UBE2D2: variants seen among roughly 807,000 people sequenced by gnomAD.
UBE2D2 encodes ubiquitin-conjugating enzyme E2 D2.
UBE2D2 carries 2 observed loss-of-function variants against 24.2 expected under a neutral mutation model. That is an observed-to-expected ratio of 0.08 (90% CI 0.03 to 0.26). The LOEUF (loss-of-function observed/expected upper bound fraction) is 0.26, where lower values mean the gene tolerates loss of function less well. Ranked by LOEUF, UBE2D2 falls within the 10% of genes least tolerant of loss-of-function variation. UBE2D2 has a pLI of 1.00. For missense variants in UBE2D2, 44 were observed against 177.6 expected, an observed-to-expected ratio of 0.25 and a Z score of 4.28; for synonymous variants, 58 against 56.5, an observed-to-expected ratio of 1.03 and a Z score of -0.12.
chr5:139,620,001 T>C (rs1218180513), intron 5 of UBE2D2, among the ~76,000 whole-genome samples: 1 of 152,118 alleles, frequency 6.6e-6, no homozygotes, highest in Non-Finnish European at 1.5e-5. Flanking sequence ...CACATGGCAG[T>C]AGCAGGACCA....
At position 139,561,907 on chromosome 5, in the gene UBE2D2, C is replaced by T. The variant is rs934371501; in HGVS notation, c.24+92C>T. Reference sequence around the variant, plus strand: ...TAGTCTCCGTCGGGCTCGCGGCCTCCTTGGATCTTGCTGCCGGTGCTGGCC... The same window carrying T: ...TAGTCTCCGTCGGGCTCGCGGCCTCTTTGGATCTTGCTGCCGGTGCTGGCC... On this transcript the variant is annotated intron_variant, in intron 1 of 6. Transcript: ENST00000398733. The T allele has an allele frequency of 2.0e-5, 28 of 1,418,834 alleles. No individual in the cohort carries two copies. In the Admixed American group the frequency reaches 2.5e-4, roughly 13 times the overall value. The allele number at this position is 1,418,834 out of a possible 1,614,324, so 87.9% of individuals were successfully genotyped here.
intron 1 of UBE2D2, among the ~76,000 whole-genome samples, chr5:139,541,631 A>G (rs1365953431): frequency 1.3e-5 from 2 of 150,166 alleles, no homozygotes; most frequent in Admixed American, 6.7e-5. Context: ...AGGTACACAT[A>G]GGGCTCAATG....
rs1752847637 is a variant in UBE2D2, at chr5:139,547,355, G to A, written c.-64+20743G>A. Reference sequence around the variant, plus strand: ...TCATGTATCTATCATGAGTCAGGGGGTAATTTGTAAAGACAAGAACAGAAA... The same window carrying A: ...TCATGTATCTATCATGAGTCAGGGGATAATTTGTAAAGACAAGAACAGAAA... On this transcript the variant is annotated intron_variant, in intron 1 of 6. Coordinates refer to the UBE2D2 transcript ENST00000511725. Among the ~76,000 whole-genome samples the A allele has an allele frequency of 2.0e-5, 3 of 152,062 alleles. No homozygotes were observed. The South Asian group carries it at 6.2e-4, about 32-fold the overall frequency.
intron 1 of UBE2D2, among the ~76,000 whole-genome samples, chr5:139,533,927 C>T (rs1181880703): frequency 1.3e-5 from 2 of 151,120 alleles, no homozygotes; most frequent in East Asian, 2.1e-4. Flanking sequence ...GGATTACAGG[C>T]GCCCGCCACC....
intron 1 of UBE2D2, among the ~76,000 whole-genome samples, chr5:139,590,026 C>T (rs762291646): frequency 2.0e-5 from 3 of 152,036 alleles, no homozygotes; most frequent in African/African-American, 7.2e-5. Context: ...CCTTGTGGTC[C>T]GTCCTCCTTG....
chr5:139,576,446 A>G (rs1561508266), intron 1 of UBE2D2, among the ~76,000 whole-genome samples: 1 of 150,892 alleles, frequency 6.6e-6, no homozygotes, highest in African/African-American at 2.4e-5. Flanking sequence ...TTATATGGCC[A>G]CTTGTCATTA....
intron 1 of UBE2D2, among the ~76,000 whole-genome samples, chr5:139,533,207 T>C (rs1752619509): frequency 6.6e-6 from 1 of 151,966 alleles, no homozygotes; most frequent in Non-Finnish European, 1.5e-5. Context: ...GTGTGAGAGA[T>C]GGAGTCTCAC....
chr5:139,539,661 G>A (rs569109982), intron 1 of UBE2D2, among the ~76,000 whole-genome samples: 66 of 151,784 alleles, frequency 4.3e-4, no homozygotes, highest in African/African-American at 1.4e-3. Flanking sequence ...GCTCGATCTC[G>A]GCTGACTGCA....
intron 1 of UBE2D2, among the ~76,000 whole-genome samples, chr5:139,533,591 G>A (rs555258319): frequency 9.9e-5 from 15 of 151,058 alleles, no homozygotes; most frequent in Non-Finnish European, 1.9e-4. Context: ...AGGAGGTTGC[G>A]GTGAGCCCAA....
intron 1 of UBE2D2, among the ~76,000 whole-genome samples, chr5:139,563,697 C>A (rs1753158157): frequency 6.6e-6 from 1 of 152,270 alleles, no homozygotes; most frequent in South Asian, 2.1e-4. Flanking sequence ...CTTTGGGAGG[C>A]TGAGGTGGGT....
chr5:139,550,554 C>G (rs747438418), intron 1 of UBE2D2, among the ~76,000 whole-genome samples: 1 of 152,124 alleles, frequency 6.6e-6, no homozygotes, highest in Non-Finnish European at 1.5e-5. Flanking sequence ...GGCTCAGGTT[C>G]TCTTCCACGC....
At chr5:139,559,766 A>G (rs1753033848), upstream of UBE2D2, among the ~76,000 whole-genome samples, 1 of 152,294 alleles carries the variant, frequency 6.6e-6, no homozygotes, top group South Asian at 2.1e-4. Context: ...GATGTAGCGA[A>G]AAGGAGACAT....
Position 139,626,791 on chromosome 5 carries a change from A to G in UBE2D2, c.434A>G (p.Tyr145Cys), listed in dbSNP as rs1754638805. ...NRIAREWTQK[Y>C]AM ...ATAGCTCGGGAATGGACTCAGAAGT[A>G]TGCGATGTAATTAAAGAAATTATTG... The change falls in exon 7 of 7, where the codon TAT becomes TGT. Residue 145 changes from tyrosine to cysteine, a missense_variant. Transcript: ENST00000398733. 1 of 1,613,360 alleles carries G rather than the reference A, an allele frequency of 6.2e-7. No homozygotes were observed. Among genetic ancestry groups the G allele is most frequent in the Non-Finnish European group, 8.5e-7 (1 of 1,179,656 alleles).
At chr5:139,538,229 C>A (rs1048384575) in intron 1 of UBE2D2, among the ~76,000 whole-genome samples, 3 of 152,068 alleles carry the variant, frequency 2.0e-5, no homozygotes, top group African/African-American at 7.2e-5. Flanking sequence ...AATCATCAGC[C>A]TGCCTCAGCC....
rs1581492475 is a variant in UBE2D2, at chr5:139,562,155, G to C, written c.24+340G>C. On this transcript the variant is annotated intron_variant, in intron 1 of 6. Transcript: ENST00000398733. Reference sequence around the variant, plus strand: ...CAGGATGGCGGGGTTGGGGCCGAGGGGGGCGCTGGGGCGTTGGGCGGCCCC... The same window carrying C: ...CAGGATGGCGGGGTTGGGGCCGAGGCGGGCGCTGGGGCGTTGGGCGGCCCC... 3.1e-6 allele frequency: 4 copies of C among 1,308,474 alleles called. No individual in the cohort carries two copies. In the South Asian group the frequency reaches 4.2e-5, roughly 14 times the overall value. The allele number at this position is 1,308,474 out of a possible 1,614,324, so 81.1% of individuals were successfully genotyped here. A position where few individuals can be genotyped will look rare whatever the true frequency, so the allele number is the denominator to read the frequency against.
intron 1 of UBE2D2, among the ~76,000 whole-genome samples, chr5:139,593,476 A>G (rs916995907): frequency 2.6e-5 from 4 of 152,102 alleles, no homozygotes; most frequent in Non-Finnish European, 5.9e-5. Context: ...ATATACATAC[A>G]TATTTTAATA....
In UBE2D2 at chr5:139,561,744, C is replaced by T. The variant is rs749522312; in HGVS notation, c.-48C>T. ...CTCCCTAGCCCCTTCCCCGTCCCTT[C>T]CCCGCCCCCGTCCCCGCCCCGGGGG... On this transcript the variant is annotated 5_prime_UTR_variant, in exon 1 of 7. Transcript: ENST00000398733. 11 of 1,127,872 alleles carry T rather than the reference C, an allele frequency of 9.8e-6. No homozygotes were observed. The highest frequency in any genetic ancestry group is 1.5e-5 in the South Asian group (1 of 68,860). The allele number at this position is 1,127,872 out of a possible 1,614,324, so 69.9% of individuals were successfully genotyped here.
chr5:139,527,036 A>G (rs1360666788), intron 1 of UBE2D2, among the ~76,000 whole-genome samples: 1 of 152,178 alleles, frequency 6.6e-6, no homozygotes, highest in Non-Finnish European at 1.5e-5. Context: ...GGCGCAAAGT[A>G]AGCCCACCCC....
intron 1 of UBE2D2, among the ~76,000 whole-genome samples, chr5:139,574,869 G>T (rs1753434807): frequency 6.6e-6 from 1 of 152,060 alleles, no homozygotes; most frequent in South Asian, 2.1e-4. Context: ...GCAAGCCTGT[G>T]GGGAAGATTA....
Sources: gnomAD v4.1 joint callset for allele counts (sites outside exome capture counted in the v4.1 genomes callset) on GRCh38, gnomAD v4.1.1 for gene constraint, MANE v1.5 for transcripts, NCBI Gene and HGNC (gene_info 2026-07-23, HGNC 2026-07-21) for gene names.